The following EVC variants were observed in gnomAD, a reference collection of about 807,000 sequenced individuals.
EVC encodes EvC ciliary complex subunit 1, also known as evC complex member EVC.
EVC carries 116 observed loss-of-function variants against 118.9 expected under a neutral mutation model. That is an observed-to-expected ratio of 0.98 (90% CI 0.84 to 1.14). EVC has a LOEUF of 1.14. Ranked by LOEUF, EVC falls within the 50% of genes most tolerant of loss-of-function variation. The probability of loss-of-function intolerance (pLI) is 0.00; values close to 1 mark genes in which losing one functional copy is unlikely to be tolerated. For synonymous variants in EVC, 619 were observed against 534.7 expected (o/e 1.16, Z -2.18); for missense variants, 1,401 against 1,246.4 (o/e 1.12, Z -1.87).
At chr4:5,711,637 C>G (rs1028035483) in intron 1 of EVC, 83 bp downstream of exon 1, 1 of 1,041,090 alleles carries the variant, frequency 9.6e-7, no homozygotes, top group South Asian at 4.7e-5. Context: ...AGCCCCGGCT[C>G]TGCGACTCCT....
At chr4:5,797,326 A>G (rs1714156826) in intron 14 of EVC, 94 bp downstream of exon 14, 1 of 1,078,276 alleles carries the variant, frequency 9.3e-7, no homozygotes, top group South Asian at 1.3e-5. Flanking sequence ...CCCGAATCCT[A>G]TCACCCTTGG....
the EVC span, among the ~76,000 whole-genome samples, chr4:5,828,938 C>CT: frequency 0.15 from 23,057 of 151,954 alleles, 3,065 homozygotes; most frequent in African/African-American, 0.36. Flanking sequence ...GGGGGTCCCC[C>CT]GGGGTTATGC....
chr4:5,745,246 A>C lies in EVC; in HGVS notation c.844A>C (p.Asn282His). ...LEKGLQVKLSNTEMSGAGDSE... is the reference protein window; with the variant it reads ...LEKGLQVKLSHTEMSGAGDSE... ...AAAGGGACTTCAGGTCAAACTGTCA[A>C]ACACAGAAATGTCGGGGGCTGGTGA... is the stretch of plus-strand genomic sequence containing the variant. The change falls in exon 7 of 21, where the codon AAC (asparagine) becomes CAC (histidine). Residue 282 changes from asparagine (N) to histidine (H), a missense_variant. Transcript: ENST00000264956. The C allele has an allele frequency of 6.2e-7, 1 of 1,614,092 alleles. No homozygotes were observed. Among genetic ancestry groups the C allele is most frequent in the Non-Finnish European group, 8.5e-7 (1 of 1,179,966 alleles).
chr4:5,711,458 C>T lies in EVC; in HGVS notation c.78C>T (p.Ala26=), dbSNP rs1723000270. The T allele has an allele frequency of 2.9e-6, 3 of 1,042,648 alleles. No homozygotes were observed. The highest frequency in any genetic ancestry group is 5.5e-5 in the Admixed American group (1 of 18,262). The allele number at this position is 1,042,648 out of a possible 1,614,324, so 64.6% of individuals were successfully genotyped here. ...LGRDALRPAP[A]LLAPAVLLGA... ...GGGACGCGCTGCGGCCGGCGCCCGC[C>T]CTGCTGGCCCCCGCCGTGCTGCTGG... The change falls in exon 1 of 21, where the codon GCC becomes GCT. Residue 26 remains alanine, a synonymous_variant. Coordinates refer to ENST00000264956, the MANE Select transcript of EVC (RefSeq NM_153717.3).
Position 5,808,303 on chromosome 4 carries a change from A to T in EVC, c.2664A>T (p.Glu888Asp), listed in dbSNP as rs1161036004. ...AGGCAGGAGTCATGGACCTTCTGGA[A>T]GCCCAGCTGGAGACCCAGCTACAGG... ...QQQAGVMDLL[E>D]AQLETQLQEA... The change falls in exon 18 of 21, where the codon GAA becomes GAT. Residue 888 changes from glutamate to aspartate, a missense_variant. Physicochemically the swap from Glu to Asp is conservative, Grantham distance 45. Coordinates refer to ENST00000264956, the MANE Select transcript of EVC (RefSeq NM_153717.3). The T allele has an allele frequency of 1.2e-6, 2 of 1,614,112 alleles. No individual in the cohort carries two copies. Among genetic ancestry groups the T allele is most frequent in the African/African-American group, 2.7e-5 (2 of 74,920 alleles).
chr4:5,748,564 TTATC>T (rs1401176095), intron 8 of EVC, among the ~76,000 whole-genome samples: 2 of 48,518 alleles, frequency 4.1e-5, no homozygotes, highest in Non-Finnish European at 7.2e-5. Flanking sequence ...TCCCACCCAT[TTATC>T]CATCCATCCA....
intron 13 of EVC, among the ~76,000 whole-genome samples, chr4:5,794,281 A>T (rs28577592): frequency 4.0e-4 from 53 of 133,790 alleles, no homozygotes; most frequent in Admixed American, 6.2e-4. Context: ...ATATATATTT[A>T]TATATATTTT....
Position 5,756,386 on chromosome 4 carries a change from G to T in EVC, c.1563+24G>T, listed in dbSNP as rs1731177593. On this transcript the variant is annotated intron_variant, in intron 11 of 20. Transcript: ENST00000264956. The surrounding 1 kb of genome is among the most constrained non-coding windows in gnomAD (Gnocchi z 4.2). ...AGGTACATGGCCTCTGTGGGGACCA[G>T]CAGAGAAGCCCCAGGGTCTGTGTGT... The T allele has an allele frequency of 6.3e-7, 1 of 1,574,970 alleles. No individual in the cohort carries two copies. Among genetic ancestry groups the T allele is most frequent in the Non-Finnish European group, 8.7e-7 (1 of 1,153,030 alleles).
chr4:5,793,961 T>G (rs1713280055), intron 13 of EVC, among the ~76,000 whole-genome samples: 2 of 152,110 alleles, frequency 1.3e-5, no homozygotes, highest in Non-Finnish European at 1.5e-5. Flanking sequence ...TTTACATACA[T>G]TTATTTTACG....
rs1338864424 is a variant in EVC, at chr4:5,748,171, G to C, written c.963G>C (p.Met321Ile). The C allele has an allele frequency of 1.9e-6, 3 of 1,614,042 alleles. No homozygotes were observed. In the South Asian group the frequency reaches 3.3e-5, roughly 18 times the overall value. Residue 321 changes from methionine to isoleucine, a missense_variant, in exon 8 of 21, where the codon ATG (methionine) becomes ATC (isoleucine). Physicochemically the swap from Met to Ile is conservative, Grantham distance 10. Transcript: ENST00000264956. The stretch of plus-strand genomic sequence containing the variant: ...AGATGGAAGCTTTCTGGAAACAGAT[G>C]GCAAATATCCAGCACTTTCTTGTGG... ...IDNMEAFWKQ[M>I]ANIQHFLVDQ...
intron 2 of EVC, among the ~76,000 whole-genome samples, chr4:5,727,930 A>G (rs1296778359): frequency 4.8e-5 from 7 of 146,376 alleles, no homozygotes; most frequent in African/African-American, 1.8e-4. Context: ...CCATTGATCT[A>G]TATCTCTGTT....
chr4:5,808,092 T>A (rs1716214363), intron 17 of EVC, 109 bp from the exon 18 acceptor site: 1 of 923,426 alleles, frequency 1.1e-6, no homozygotes, highest in Non-Finnish European at 1.6e-6. Flanking sequence ...CAGGCCCCTC[T>A]TGGGGCTCCC....
At chr4:5,770,256 G>C (rs1271745152) in intron 11 of EVC, among the ~76,000 whole-genome samples, 1 of 152,122 alleles carries the variant, frequency 6.6e-6, no homozygotes, top group African/African-American at 2.4e-5. Flanking sequence ...CGCCCCCACA[G>C]CTGCCCTGAG....
In EVC at chr4:5,783,637, C is replaced by A. The variant is rs747739985; in HGVS notation, c.1649C>A (p.Pro550His). The change falls in exon 12 of 21, where the codon CCC (proline) becomes CAC (histidine). Residue 550 changes from proline (P) to histidine (H), a missense_variant. By Grantham distance (77) the Pro-to-His change is moderately conservative. Coordinates refer to ENST00000264956, the MANE Select transcript of EVC (RefSeq NM_153717.3). The part of the protein sequence containing the change: ...LQTLPGMTGL[P>H]PEECDYLRQE... ...ACGCTCCCTGGCATGACTGGCCTCC[C>A]CCCGGAAGAGTGTGACTACTTGAGG... 1.3e-5 allele frequency: 21 copies of A among 1,614,184 alleles called. 1 individual carries two copies. The South Asian group carries it at 2.3e-4, about 18-fold the overall frequency.
At chr4:5,788,639 C>T (rs1712166658) in intron 12 of EVC, among the ~76,000 whole-genome samples, 1 of 152,200 alleles carries the variant, frequency 6.6e-6, no homozygotes, top group Admixed American at 6.5e-5. Context: ...CACCCTACAT[C>T]GGTGGACAAG....
At chr4:5,786,779 G>C (rs187519593) in intron 12 of EVC, among the ~76,000 whole-genome samples, 1,674 of 151,812 alleles carry the variant, frequency 0.011, 34 homozygotes, top group African/African-American at 0.038. Flanking sequence ...GGCTGAGGCA[G>C]GAGAATGGCG....
chr4:5,726,775 T>C (rs1199498881), intron 2 of EVC, among the ~76,000 whole-genome samples: 1 of 134,286 alleles, frequency 7.4e-6, no homozygotes, highest in Non-Finnish European at 1.5e-5. Context: ...CCTGTGTCCA[T>C]GTGATCTCAT....
Position 5,806,897 on chromosome 4 carries a change from T to A in EVC, c.2562-1304T>A, listed in dbSNP as rs551054419. Among the ~76,000 whole-genome samples, 5 of 152,346 alleles carry A rather than the reference T, an allele frequency of 3.3e-5. No homozygotes were observed. In the South Asian group the frequency reaches 1.0e-3, roughly 32 times the overall value. ...CCATTCTAACTGGGGTAAGATGATA[T>A]CTCCTTGTGGCTTTAACTTGCATTC... is the stretch of plus-strand genomic sequence containing the variant. On this transcript the variant is annotated intron_variant, in intron 17 of 20. Transcript: ENST00000264956.
intron 11 of EVC, among the ~76,000 whole-genome samples, chr4:5,781,110 C>G (rs1254330226): frequency 6.6e-6 from 1 of 152,204 alleles, no homozygotes; most frequent in Non-Finnish European, 1.5e-5. Flanking sequence ...TCAGCTAAGC[C>G]ACATTGCACC....
Sources: gnomAD v4.1 joint callset for allele counts (sites outside exome capture counted in the v4.1 genomes callset) on GRCh38, gnomAD v4.1.1 for gene constraint, Gnocchi (gnomAD v3.1) non-coding constraint, MANE v1.5 for transcripts, NCBI Gene and HGNC (gene_info 2026-07-23, HGNC 2026-07-21) for gene names.